RTL4: variants seen among roughly 807,000 people sequenced by gnomAD.
The protein encoded by RTL4 is retrotransposon Gag like 4.
Under a neutral mutation model 5.3 loss-of-function variants are expected in RTL4, and 4 were observed. The observed-to-expected ratio is 0.75, with a 90% CI of 0.37 to 1.72. The LOEUF (loss-of-function observed/expected upper bound fraction) is 1.72. Ranked by LOEUF, RTL4 falls within the 40% of genes most tolerant of loss-of-function variation. The probability of loss-of-function intolerance (pLI) is 0.04; values close to 1 mark genes in which losing one functional copy is unlikely to be tolerated. For missense variants in RTL4, 260 were observed against 227.1 expected, an observed-to-expected ratio of 1.14 and a Z score of -0.93; for synonymous variants, 98 against 87.3, an observed-to-expected ratio of 1.12 and a Z score of -0.68.
the RTL4 span, among the ~76,000 whole-genome samples, chrX:112,399,728 G>T: frequency 9.0e-6 from 1 of 111,273 alleles, no homozygotes. Flanking sequence ...AGATTTCCAT[G>T]TAGTATCAGT....
chrX:112,305,130 G>A, the RTL4 span, among the ~76,000 whole-genome samples: 1 of 108,458 alleles, frequency 9.2e-6, no homozygotes, highest in South Asian at 4.1e-4. Flanking sequence ...TCATGGAGGG[G>A]ATGGGGAGTA....
At chrX:112,194,755 C>T in the RTL4 span, among the ~76,000 whole-genome samples, 2 of 111,889 alleles carry the variant, frequency 1.8e-5, no homozygotes, top group Non-Finnish European at 1.9e-5. Flanking sequence ...TAACAATTAT[C>T]GTGTAGCCTT....
the RTL4 span, among the ~76,000 whole-genome samples, chrX:112,358,154 G>A: frequency 9.1e-6 from 1 of 109,401 alleles, no homozygotes; most frequent in Admixed American, 9.8e-5. Context: ...TGTTGTCCAC[G>A]CTGTGGCATG....
In RTL4 at chrX:112,455,236, G is replaced by A. The variant is rs373090858; in HGVS notation, c.508G>A (p.Ala170Thr). 68 of 1,209,102 alleles carry A rather than the reference G, an allele frequency of 5.6e-5. No homozygotes were observed. In the African/African-American group the frequency reaches 8.1e-4, roughly 14 times the overall value. ...GGACCCTGCTACTTTCCACCTCCTC[G>A]CTCAAAATCTGATCTGTAATGAAAC... The change falls in exon 1 of 1, where the codon GCT becomes ACT. Residue 170 changes from alanine (A) to threonine (T), a missense_variant. Coordinates refer to ENST00000340433, the Ensembl canonical transcript of RTL4.
chrX:112,311,983 A>G, the RTL4 span, among the ~76,000 whole-genome samples: 1 of 111,602 alleles, frequency 9.0e-6, no homozygotes, highest in African/African-American at 3.2e-5. Context: ...TTCACAACCA[A>G]TGCTATCATA....
chrX:112,424,182 G>C, the RTL4 span, among the ~76,000 whole-genome samples: 88 of 111,822 alleles, frequency 7.9e-4, no homozygotes, highest in African/African-American at 2.7e-3. Flanking sequence ...TTCAAATACA[G>C]TTATAACAAC....
chrX:112,178,808 C>T, the RTL4 span, among the ~76,000 whole-genome samples: 2 of 111,127 alleles, frequency 1.8e-5, no homozygotes, highest in African/African-American at 6.6e-5. Flanking sequence ...AAATGCAGTG[C>T]TCATTCTATC....
chrX:112,202,753 G>T, the RTL4 span, among the ~76,000 whole-genome samples: 1 of 109,351 alleles, frequency 9.1e-6, no homozygotes, highest in African/African-American at 3.3e-5. Context: ...TAGAAACAGG[G>T]TTTCACCATG....
the RTL4 span, among the ~76,000 whole-genome samples, chrX:112,328,058 A>C: frequency 9.2e-6 from 1 of 109,154 alleles, no homozygotes; most frequent in Admixed American, 9.9e-5. Context: ...AATCATGCCA[A>C]AATGTAAAGA....
the RTL4 span, among the ~76,000 whole-genome samples, chrX:112,447,113 G>A: frequency 8.9e-6 from 1 of 111,852 alleles, no homozygotes; most frequent in Non-Finnish European, 1.9e-5. Context: ...TGATATGAGA[G>A]TGCAAAGGAG....
chrX:112,230,976 C>T, the RTL4 span, among the ~76,000 whole-genome samples: 1 of 111,391 alleles, frequency 9.0e-6, no homozygotes, highest in Non-Finnish European at 1.9e-5. Context: ...TGAAAAAATG[C>T]TCATCATCAC....
the RTL4 span, among the ~76,000 whole-genome samples, chrX:112,440,328 G>A: frequency 3.6e-5 from 4 of 111,439 alleles, no homozygotes; most frequent in South Asian, 3.8e-4. Flanking sequence ...TTTCTCTGGC[G>A]CAGCTCTGCA....
At chrX:112,237,474 G>A in the RTL4 span, among the ~76,000 whole-genome samples, 46 of 112,369 alleles carry the variant, frequency 4.1e-4, no homozygotes, top group Admixed American at 1.5e-3. Flanking sequence ...TGAAGGTCAA[G>A]TTCATGAGGG....
chrX:112,360,657 T>C, the RTL4 span, among the ~76,000 whole-genome samples: 2 of 111,035 alleles, frequency 1.8e-5, no homozygotes, highest in Non-Finnish European at 3.8e-5. Context: ...CTGCCTTCTG[T>C]TGTTTGATTC....
At chrX:112,194,326 A>G in the RTL4 span, among the ~76,000 whole-genome samples, 1 of 111,202 alleles carries the variant, frequency 9.0e-6, no homozygotes, top group South Asian at 3.9e-4. Context: ...AGTGGTAATT[A>G]GGGTTAGATG....
chrX:112,295,720 A>C, the RTL4 span, among the ~76,000 whole-genome samples: 14 of 112,803 alleles, frequency 1.2e-4, no homozygotes, highest in Non-Finnish European at 2.6e-4. Flanking sequence ...AAGCGAGCTT[A>C]ATGGGTCTAT....
chrX:112,222,363 A>C, the RTL4 span, among the ~76,000 whole-genome samples: 2 of 111,417 alleles, frequency 1.8e-5, no homozygotes, highest in Non-Finnish European at 3.8e-5. Flanking sequence ...GGAATCAGGG[A>C]TAGGTCCAGC....
At chrX:112,338,926 T>A in the RTL4 span, among the ~76,000 whole-genome samples, 1 of 112,137 alleles carries the variant, frequency 8.9e-6, no homozygotes, top group Non-Finnish European at 1.9e-5. Context: ...ATTTCCCATG[T>A]CATGATTGCA....
At chrX:112,389,712 G>C in the RTL4 span, among the ~76,000 whole-genome samples, 1 of 110,853 alleles carries the variant, frequency 9.0e-6, no homozygotes, top group Non-Finnish European at 1.9e-5. Context: ...GCATGGTTTT[G>C]AGTAATTTTC....
Sources: gnomAD v4.1 joint callset for allele counts (sites outside exome capture counted in the v4.1 genomes callset) on GRCh38, gnomAD v4.1.1 for gene constraint, MANE v1.5 for transcripts, NCBI Gene and HGNC (gene_info 2026-07-23, HGNC 2026-07-21) for gene names.